The following GRID2 variants were observed in gnomAD, a reference collection of about 807,000 sequenced individuals.
GRID2 encodes the protein glutamate receptor ionotropic, delta-2.
A neutral mutation model predicts 114.8 loss-of-function variants in GRID2; 33 were observed. That is an observed-to-expected ratio of 0.29 (90% CI 0.22 to 0.38). The LOEUF (loss-of-function observed/expected upper bound fraction) is 0.38. Among genes scored for constraint, GRID2 ranks in the 10% least tolerant of loss-of-function variants. The pLI, the probability that GRID2 is intolerant of heterozygous loss-of-function variation, is 1.00. For synonymous variants in GRID2, 505 were observed against 449.9 expected, an observed-to-expected ratio of 1.12 and a Z score of -1.55; for missense variants, 1,184 against 1,257.7, an observed-to-expected ratio of 0.94 and a Z score of 0.89.
At chr4:92,842,577 G>T (rs1308840622) in intron 2 of GRID2, among the ~76,000 whole-genome samples, 1 of 152,114 alleles carries the variant, frequency 6.6e-6, no homozygotes, top group Admixed American at 6.6e-5. Context: ...AGTAATGTAG[G>T]TCAAAGTGTA....
chr4:92,792,143 G>T (rs1350562269), intron 2 of GRID2, among the ~76,000 whole-genome samples: 3 of 151,638 alleles, frequency 2.0e-5, no homozygotes, highest in Admixed American at 6.6e-5. Flanking sequence ...AATTTTTTCA[G>T]CATCATGCAT....
At chr4:93,584,647 C>G (rs1006362832) in intron 13 of GRID2, among the ~76,000 whole-genome samples, 8 of 152,076 alleles carry the variant, frequency 5.3e-5, no homozygotes, top group African/African-American at 1.9e-4. Context: ...AACATAAGCT[C>G]TTAATATAAG....
intron 9 of GRID2, among the ~76,000 whole-genome samples, chr4:93,412,822 C>G (rs1023827690): frequency 3.9e-5 from 6 of 152,104 alleles, no homozygotes; most frequent in Non-Finnish European, 5.9e-5. Flanking sequence ...GTTCAACTCC[C>G]ACTTATGAGT....
chr4:93,343,807 T>A (rs968469038), intron 8 of GRID2, among the ~76,000 whole-genome samples: 1 of 152,054 alleles, frequency 6.6e-6, no homozygotes, highest in Non-Finnish European at 1.5e-5. Flanking sequence ...AGATTTTAGG[T>A]CATCGTGCAA....
chr4:93,491,440 G>T (rs959733316), intron 12 of GRID2, among the ~76,000 whole-genome samples: 1 of 151,752 alleles, frequency 6.6e-6, no homozygotes, highest in Non-Finnish European at 1.5e-5. Context: ...TGCCATTTCC[G>T]TAAGCCCGTG....
chr4:93,466,203 A>G (rs184318146), intron 11 of GRID2, among the ~76,000 whole-genome samples: 2 of 152,326 alleles, frequency 1.3e-5, no homozygotes, highest in African/African-American at 4.8e-5. Context: ...CACTGATGGC[A>G]GTCTGAAACC....
chr4:92,855,319 A>G (rs1159802722), intron 2 of GRID2, among the ~76,000 whole-genome samples: 2 of 152,066 alleles, frequency 1.3e-5, no homozygotes, highest in African/African-American at 2.4e-5. Context: ...AAAGATGTAT[A>G]TGGTACCTGT....
At chr4:93,390,644 G>A (rs990272699) in intron 8 of GRID2, among the ~76,000 whole-genome samples, 9 of 151,824 alleles carry the variant, frequency 5.9e-5, no homozygotes, top group African/African-American at 2.2e-4. Context: ...GTAGTGTAAT[G>A]GTAATTTTAT....
At chr4:93,568,943 G>A (rs535993531) in intron 13 of GRID2, among the ~76,000 whole-genome samples, 2 of 152,052 alleles carry the variant, frequency 1.3e-5, no homozygotes, top group East Asian at 1.9e-4. Flanking sequence ...TCAACCCTGC[G>A]CAAGATTTAC....
chr4:93,146,821 T>C (rs900251097), intron 4 of GRID2, among the ~76,000 whole-genome samples: 14 of 152,294 alleles, frequency 9.2e-5, no homozygotes, highest in Admixed American at 3.3e-4. Context: ...TCATTCAATA[T>C]GTTTCATTTG....
chr4:92,596,004 A>T (rs1272966800), intron 2 of GRID2, among the ~76,000 whole-genome samples: 4 of 152,104 alleles, frequency 2.6e-5, no homozygotes, highest in Non-Finnish European at 5.9e-5. Flanking sequence ...TACTGTGATT[A>T]AAAAATCTGC....
chr4:92,310,264 T>A (rs1043909791), intron 1 of GRID2, among the ~76,000 whole-genome samples: 1 of 152,056 alleles, frequency 6.6e-6, no homozygotes, highest in Admixed American at 6.6e-5. Context: ...CTAGCATATT[T>A]CATTATAAGA....
chr4:93,271,843 C>CTACT (rs1001376144), intron 8 of GRID2, among the ~76,000 whole-genome samples: 27 of 152,210 alleles, frequency 1.8e-4, no homozygotes, highest in African/African-American at 6.5e-4. Flanking sequence ...GAATTATAAA[C>CTACT]TACTAAGAAA....
intron 2 of GRID2, among the ~76,000 whole-genome samples, chr4:93,010,302 G>A (rs1335708375): frequency 6.6e-6 from 1 of 151,704 alleles, no homozygotes; most frequent in Non-Finnish European, 1.5e-5. Context: ...ATATTTTTGA[G>A]AGAGATGTGT....
intron 1 of GRID2, among the ~76,000 whole-genome samples, chr4:92,584,271 A>C (rs1728317532): frequency 6.6e-6 from 1 of 151,944 alleles, no homozygotes; most frequent in African/African-American, 2.4e-5. Flanking sequence ...TTCCACTGGC[A>C]ATTGTAGGAA....
chr4:92,544,198 T>G (rs1379619099), intron 1 of GRID2, among the ~76,000 whole-genome samples: 1 of 152,172 alleles, frequency 6.6e-6, no homozygotes, highest in East Asian at 1.9e-4. Flanking sequence ...CCCTGACTGT[T>G]TGCTTAAAAG....
chr4:93,604,689 C>G (rs1248211985), intron 13 of GRID2, among the ~76,000 whole-genome samples: 1 of 152,104 alleles, frequency 6.6e-6, no homozygotes, highest in African/African-American at 2.4e-5. Context: ...TTAAAAACTG[C>G]CACAGACACT....
chr4:93,674,530 C>G (rs1560888687), intron 14 of GRID2, among the ~76,000 whole-genome samples: 4 of 151,926 alleles, frequency 2.6e-5, no homozygotes, highest in East Asian at 3.9e-4. Context: ...ATTTCATTCC[C>G]TGTTTTGATT....
chr4:93,545,050 T>C (rs1158849739), intron 13 of GRID2, among the ~76,000 whole-genome samples: 1 of 152,152 alleles, frequency 6.6e-6, no homozygotes, highest in Admixed American at 6.5e-5. Context: ...CTACCATCCA[T>C]GTGTCCATTC....
Sources: gnomAD v4.1 joint callset for allele counts (sites outside exome capture counted in the v4.1 genomes callset) on GRCh38, gnomAD v4.1.1 for gene constraint, MANE v1.5 for transcripts, NCBI Gene and HGNC (gene_info 2026-07-23, HGNC 2026-07-21) for gene names.